Variants in LAMA2 observed in about 807,000 individuals in gnomAD.
LAMA2 encodes the protein laminin subunit alpha-2.
LAMA2 carries 269 observed loss-of-function variants against 364.8 expected under a neutral mutation model. That is an observed-to-expected ratio of 0.74 (90% CI 0.67 to 0.82). The LOEUF (loss-of-function observed/expected upper bound fraction) is 0.82. LAMA2 is among the 40% of genes least tolerant of loss of function. The pLI is 0.00. For missense variants in LAMA2, 3,807 were observed against 3,873.2 expected, an observed-to-expected ratio of 0.98 and a Z score of 0.45; for synonymous variants, 1,379 against 1,370.6, an observed-to-expected ratio of 1.01 and a Z score of -0.14.
intron 64 of LAMA2, among the ~76,000 whole-genome samples, chr6:129,515,621 A>G (rs1786993743): frequency 3.4e-5 from 3 of 89,196 alleles, no homozygotes; most frequent in East Asian, 3.0e-4. Context: ...CACCTTCAAA[A>G]AGTTCTAAGT....
At chr6:129,093,365 T>C (rs1774969026) in intron 3 of LAMA2, among the ~76,000 whole-genome samples, 1 of 151,778 alleles carries the variant, frequency 6.6e-6, no homozygotes, top group South Asian at 2.1e-4. Flanking sequence ...CAGACTTAAC[T>C]AACATGGGTA....
intron 1 of LAMA2, among the ~76,000 whole-genome samples, chr6:129,019,064 C>A (rs182880204): frequency 7.6e-4 from 115 of 152,164 alleles, no homozygotes; most frequent in African/African-American, 2.7e-3. Context: ...ATTCCCTATG[C>A]CCACTGTACT....
At chr6:129,412,094 C>T (rs2326801) in intron 40 of LAMA2, among the ~76,000 whole-genome samples, 76,228 of 151,804 alleles carry the variant, frequency 0.5, 19,622 homozygotes, top group African/African-American at 0.62. Flanking sequence ...TGACAATATT[C>T]GAGTTCTCCA....
intron 1 of LAMA2, among the ~76,000 whole-genome samples, chr6:128,885,578 C>T (rs982242308): frequency 1.1e-3 from 163 of 152,208 alleles, no homozygotes; most frequent in African/African-American, 3.9e-3. Context: ...ATGAGTTTGA[C>T]TGGAGAAGGG....
intron 1 of LAMA2, among the ~76,000 whole-genome samples, chr6:128,895,304 G>A (rs1562805665): frequency 1.3e-5 from 2 of 152,134 alleles, no homozygotes; most frequent in Non-Finnish European, 1.5e-5. Flanking sequence ...CTTACCCACA[G>A]TTGGACATAT....
At chr6:129,219,148 A>G (rs540530925) in intron 12 of LAMA2, among the ~76,000 whole-genome samples, 307 of 152,328 alleles carry the variant, frequency 2.0e-3, no homozygotes, top group Middle Eastern at 6.8e-3. Context: ...AGGAGTGTAC[A>G]TATTTTATTT....
At chr6:128,976,289 C>T (rs1782524521) in intron 1 of LAMA2, among the ~76,000 whole-genome samples, 1 of 152,036 alleles carries the variant, frequency 6.6e-6, no homozygotes, top group Non-Finnish European at 1.5e-5. Flanking sequence ...AACAAGAATC[C>T]CCACTTTTTG....
At chr6:129,219,608 A>C (rs930390280) in intron 12 of LAMA2, among the ~76,000 whole-genome samples, 3 of 148,404 alleles carry the variant, frequency 2.0e-5, no homozygotes, top group Admixed American at 6.8e-5. Flanking sequence ...CTGGATTAAG[A>C]AAATGTGGCA....
chr6:129,441,060 A>G (rs772298929), intron 43 of LAMA2, 62 bp downstream of exon 43: 180 of 1,423,944 alleles, frequency 1.3e-4, no homozygotes, highest in Middle Eastern at 5.3e-4. Flanking sequence ...AAAGTATCCC[A>G]GACCTGTAAA....
intron 1 of LAMA2, among the ~76,000 whole-genome samples, chr6:128,897,080 ACT>A (rs1292620996): frequency 6.6e-6 from 1 of 152,206 alleles, no homozygotes; most frequent in African/African-American, 2.4e-5. Flanking sequence ...CAACCAGTGA[ACT>A]GGTAGAGACC....
intron 9 of LAMA2, among the ~76,000 whole-genome samples, chr6:129,169,631 GT>G (rs1449981822): frequency 6.7e-6 from 1 of 148,282 alleles, no homozygotes; most frequent in East Asian, 2.0e-4. Flanking sequence ...CTCTTTTTTG[GT>G]TGTGTCTCTG....
intron 12 of LAMA2, among the ~76,000 whole-genome samples, chr6:129,197,230 A>G (rs1340943860): frequency 1.3e-5 from 2 of 152,182 alleles, no homozygotes; most frequent in African/African-American, 2.4e-5. Flanking sequence ...TTTGCATTCT[A>G]TAGAGAATCT....
In LAMA2 at chr6:129,291,676, G is replaced by C. The variant is rs1789710949; in HGVS notation, c.2812G>C (p.Glu938Gln). 4 of 1,614,144 alleles carry C rather than the reference G, an allele frequency of 2.5e-6. No homozygotes were observed. Among genetic ancestry groups the C allele is most frequent in the Non-Finnish European group, 3.4e-6 (4 of 1,179,984 alleles). ...TTGCCACAGTCAAACTGGACAGTGT[G>C]AGTGCAGAGCCAACGTTCAGGGTCA... is the stretch of plus-strand genomic sequence containing the variant. ...EVCHSQTGQC[E>Q]CRANVQGQRC... is the part of the protein sequence containing the mutation. Residue 938 changes from glutamate to glutamine, a missense_variant, in exon 20 of 65, where the codon GAG (glutamate) becomes CAG (glutamine). By Grantham distance (29) the Glu-to-Gln change is conservative (BLOSUM62 2). This residue lies in a region of LAMA2 where 3,333 missense variants were observed against 3,345.7 expected (regional missense o/e 1.00). Coordinates refer to ENST00000421865, the MANE Select transcript of LAMA2 (RefSeq NM_000426.4).
chr6:129,505,172 G>T (rs775142164), intron 60 of LAMA2, 28 bp from the exon 61 acceptor site: 1 of 1,602,724 alleles, frequency 6.2e-7, no homozygotes, highest in East Asian at 2.2e-5. Flanking sequence ...TTCAGGATTG[G>T]CATTAATGAC....
At chr6:129,391,450 G>A in intron 35 of LAMA2, 41 bp from the exon 36 acceptor site, 1 of 1,515,998 alleles carries the variant, frequency 6.6e-7, no homozygotes, top group Non-Finnish European at 9.2e-7. Context: ...CATGTGGCAT[G>A]TTTGTTTACT....
chr6:128,980,679 T>C (rs1429757341), intron 1 of LAMA2, among the ~76,000 whole-genome samples: 1 of 152,176 alleles, frequency 6.6e-6, no homozygotes, highest in Non-Finnish European at 1.5e-5. Context: ...ATAAAACTAT[T>C]TTTGCCAGCT....
intron 48 of LAMA2, among the ~76,000 whole-genome samples, chr6:129,457,763 C>T (rs1196198386): frequency 6.6e-6 from 1 of 152,024 alleles, no homozygotes; most frequent in Non-Finnish European, 1.5e-5. Flanking sequence ...ACATTTATTT[C>T]TCACAATTCT....
intron 45 of LAMA2, among the ~76,000 whole-genome samples, chr6:129,451,412 G>A (rs1002681909): frequency 2.6e-5 from 4 of 152,230 alleles, no homozygotes; most frequent in African/African-American, 9.6e-5. Context: ...CACCTTTTTG[G>A]GGAAGGCAAG....
At chr6:129,403,705 T>C in intron 39 of LAMA2, 116 bp from the exon 40 acceptor site, 1 of 917,316 alleles carries the variant, frequency 1.1e-6, no homozygotes, top group South Asian at 1.3e-5. Flanking sequence ...TTATTTGGAA[T>C]TGTCATAGAT....
Sources: allele counts gnomAD v4.1 joint callset (sites outside exome capture counted in the v4.1 genomes callset), GRCh38; gene constraint gnomAD v4.1.1; regional missense constraint gnomAD v4.1.1; transcripts MANE v1.5; gene names NCBI Gene and HGNC (gene_info 2026-07-23, HGNC 2026-07-21).